MYO10: variants seen among roughly 807,000 people sequenced by gnomAD.
MYO10 encodes unconventional myosin-X.
Under a neutral mutation model 257.3 loss-of-function variants are expected in MYO10, and 133 were observed. The observed-to-expected ratio is 0.52, with a 90% CI of 0.45 to 0.60. The LOEUF (loss-of-function observed/expected upper bound fraction) is 0.60. Among genes scored for constraint, MYO10 ranks in the 20% least tolerant of loss-of-function variants. The pLI, the probability that MYO10 is intolerant of heterozygous loss-of-function variation, is 0.00. For missense variants in MYO10, 2,399 were observed against 2,635.7 expected, an observed-to-expected ratio of 0.91 and a Z score of 1.97; for synonymous variants, 1,104 against 1,028.6, an observed-to-expected ratio of 1.07 and a Z score of -1.40.
At chr5:16,901,164 C>T (rs1251937412) in intron 1 of MYO10, among the ~76,000 whole-genome samples, 2 of 152,156 alleles carry the variant, frequency 1.3e-5, no homozygotes, top group Non-Finnish European at 2.9e-5. Flanking sequence ...AGCTCTCACC[C>T]AGGCTGAGCT....
At chr5:16,699,319 C>T in intron 26 of MYO10, 131 bp downstream of exon 26, 1 of 1,250,094 alleles carries the variant, frequency 8.0e-7, no homozygotes, top group South Asian at 1.6e-5. Context: ...GGTAGAACGA[C>T]TTTCCCAGTC....
intron 19 of MYO10, among the ~76,000 whole-genome samples, chr5:16,718,736 A>G (rs1427857569): frequency 4.8e-5 from 7 of 144,740 alleles, no homozygotes; most frequent in East Asian, 2.1e-4. Flanking sequence ...GTCTAGCTCA[A>G]GGATTGTAAA....
At chr5:16,711,936 T>C (rs1738639640) in intron 19 of MYO10, among the ~76,000 whole-genome samples, 1 of 152,194 alleles carries the variant, frequency 6.6e-6, no homozygotes, top group Non-Finnish European at 1.5e-5. Context: ...TCTGGCTGTA[T>C]CACAAATATC....
chr5:16,899,637 A>AC (rs974009994), intron 1 of MYO10, among the ~76,000 whole-genome samples: 1 of 151,772 alleles, frequency 6.6e-6, no homozygotes, highest in Admixed American at 6.6e-5. Context: ...TCAAAAAAAA[A>AC]AAAAACAAAA....
intron 19 of MYO10, among the ~76,000 whole-genome samples, chr5:16,751,184 C>T (rs1333061940): frequency 1.3e-5 from 2 of 152,120 alleles, no homozygotes; most frequent in East Asian, 1.9e-4. Flanking sequence ...GCTGAAAATA[C>T]ACATTCCCCA....
chr5:16,740,654 G>A (rs1279002771), intron 19 of MYO10, among the ~76,000 whole-genome samples: 1 of 152,090 alleles, frequency 6.6e-6, no homozygotes, highest in African/African-American at 2.4e-5. Context: ...AGCAGAGAGA[G>A]GGAAGCACTT....
chr5:16,688,790 C>T (rs552468109), intron 28 of MYO10, among the ~76,000 whole-genome samples: 1 of 151,764 alleles, frequency 6.6e-6, no homozygotes, highest in South Asian at 2.1e-4. Context: ...TGCTCAGACA[C>T]CTCCAGCATA....
At chr5:16,728,913 AT>A (rs540915822) in intron 19 of MYO10, among the ~76,000 whole-genome samples, 1 of 151,074 alleles carries the variant, frequency 6.6e-6, no homozygotes, top group Admixed American at 6.6e-5. Flanking sequence ...TTTTTACTGT[AT>A]TTTTTTACTG....
chr5:16,704,878 A>T (rs1480788930), intron 21 of MYO10, among the ~76,000 whole-genome samples, 193 bp from the exon 22 acceptor site: 3 of 152,222 alleles, frequency 2.0e-5, no homozygotes, highest in Non-Finnish European at 4.4e-5. Context: ...AAAATCCAAT[A>T]AAGATATATT....
chr5:16,802,326 C>A (rs1742143809), intron 3 of MYO10, among the ~76,000 whole-genome samples: 2 of 151,914 alleles, frequency 1.3e-5, no homozygotes, highest in South Asian at 4.2e-4. Flanking sequence ...TTTGTTCATG[C>A]ATTTTACCAA....
intron 1 of MYO10, among the ~76,000 whole-genome samples, chr5:16,931,362 C>T (rs1746290497): frequency 1.3e-5 from 2 of 152,136 alleles, no homozygotes; most frequent in African/African-American, 4.8e-5. Flanking sequence ...GGTTTACATC[C>T]TCAAATGTGA....
Position 16,890,102 on chromosome 5 carries a change from G to A in MYO10, c.22-12395C>T, listed in dbSNP as rs529411109. On this transcript the variant is annotated intron_variant, in intron 1 of 40. Transcript: ENST00000513610. Reference sequence around the variant, plus strand: ...CTTAAAACAGCCATTTGTCATTTCTGTTTCATACATATTAATTAATTCCTT... The same window carrying A: ...CTTAAAACAGCCATTTGTCATTTCTATTTCATACATATTAATTAATTCCTT... Among the ~76,000 whole-genome samples, 16 of 151,960 alleles carry A rather than the reference G, an allele frequency of 1.1e-4. No individual in the cohort carries two copies. The South Asian group carries it at 3.3e-3, about 31-fold the overall frequency.
At chr5:16,805,105 T>C (rs1195025295) in intron 3 of MYO10, among the ~76,000 whole-genome samples, 1 of 152,050 alleles carries the variant, frequency 6.6e-6, no homozygotes, top group East Asian at 1.9e-4. Flanking sequence ...TGAGTAAAAA[T>C]GGCAGCTGGA....
intron 19 of MYO10, among the ~76,000 whole-genome samples, chr5:16,738,567 G>A (rs1248093069): frequency 1.3e-5 from 2 of 151,876 alleles, no homozygotes; most frequent in African/African-American, 4.8e-5. Flanking sequence ...CAGCTCCCAG[G>A]GGAGGCAAGA....
intron 22 of MYO10, 74 bp downstream of exon 22, chr5:16,704,505 C>G: frequency 7.6e-7 from 1 of 1,314,558 alleles, no homozygotes; most frequent in Non-Finnish European, 1.1e-6. Flanking sequence ...CAGGCCACTC[C>G]ACTGGAACAC....
intron 24 of MYO10, among the ~76,000 whole-genome samples, 164 bp downstream of exon 24, chr5:16,702,379 T>C (rs1334350839): frequency 7.2e-5 from 11 of 152,268 alleles, no homozygotes; most frequent in Non-Finnish European, 1.5e-4. Context: ...CACTACGCTT[T>C]ACCCAATTGT....
At chr5:16,687,231 GGA>G (rs1180260133) in intron 28 of MYO10, among the ~76,000 whole-genome samples, 3 of 151,844 alleles carry the variant, frequency 2.0e-5, no homozygotes, top group Admixed American at 6.6e-5. Flanking sequence ...TGAGGCAGGA[GGA>G]TCACCTGAGC....
At chr5:16,930,022 A>G (rs561302563) in intron 1 of MYO10, among the ~76,000 whole-genome samples, 1 of 152,378 alleles carries the variant, frequency 6.6e-6, no homozygotes, top group East Asian at 1.9e-4. Context: ...CCATGAGGAC[A>G]TTTCAATGCC....
chr5:16,876,271 G>A (rs145802950), intron 2 of MYO10, among the ~76,000 whole-genome samples: 8 of 152,222 alleles, frequency 5.3e-5, no homozygotes, highest in Admixed American at 1.3e-4. Flanking sequence ...TAAAATGGAC[G>A]TGCCAGGTTT....
Sources: gnomAD v4.1 joint callset for allele counts (sites outside exome capture counted in the v4.1 genomes callset) on GRCh38, gnomAD v4.1.1 for gene constraint, MANE v1.5 for transcripts, NCBI Gene and HGNC (gene_info 2026-07-23, HGNC 2026-07-21) for gene names.